Variants in EIF3H observed in about 807,000 individuals in gnomAD.
EIF3H encodes eukaryotic translation initiation factor 3 subunit H.
Under a neutral mutation model 44.2 loss-of-function variants are expected in EIF3H, and 26 were observed. That is an observed-to-expected ratio of 0.59 (90% CI 0.43 to 0.82). EIF3H has a LOEUF of 0.82. Ranked by LOEUF, EIF3H falls within the 40% of genes least tolerant of loss-of-function variation. The pLI is 0.00. For synonymous variants in EIF3H, 166 were observed against 151.9 expected (o/e 1.09, Z -0.68); for missense variants, 359 against 432.8 (o/e 0.83, Z 1.51).
At chr8:116,649,023 T>C (rs1047396755) in intron 5 of EIF3H, 97 bp from the exon 6 acceptor site, 1 of 1,122,440 alleles carries the variant, frequency 8.9e-7, no homozygotes, top group Non-Finnish European at 1.2e-6. Context: ...AACTGGCTTT[T>C]GCTAAAAGAA....
rs577966555 is a variant in EIF3H at position 116,716,864 on chromosome 8, T to C, written c.289+9152A>G. Among the ~76,000 whole-genome samples, 12 of 152,220 alleles carry C rather than the reference T, an allele frequency of 7.9e-5. No homozygotes were observed. The South Asian group carries it at 2.5e-3, about 32-fold the overall frequency. Reference sequence around the variant, plus strand: ...TTTGGACAACAGATTAAAAATCTCCTCTTTACATGAGGCACCAAAACAAAC... The same window carrying C: ...TTTGGACAACAGATTAAAAATCTCCCCTTTACATGAGGCACCAAAACAAAC... On this transcript the variant is annotated intron_variant, in intron 2 of 7. Transcript: ENST00000521861.
intron 2 of EIF3H, among the ~76,000 whole-genome samples, chr8:116,678,283 G>A (rs1301742401): frequency 9.3e-5 from 14 of 150,622 alleles, no homozygotes; most frequent in African/African-American, 2.7e-4. Flanking sequence ...ACGGAGTCTC[G>A]TTCACTCAGT....
chr8:116,678,265 G>C (rs1465061134), intron 2 of EIF3H, among the ~76,000 whole-genome samples: 3 of 152,154 alleles, frequency 2.0e-5, no homozygotes, highest in Non-Finnish European at 4.4e-5. Flanking sequence ...GAGGTGCCGG[G>C]ATTGCAGACG....
At chr8:116,760,783 TG>T (rs1201591169), upstream of EIF3H, among the ~76,000 whole-genome samples, 4 of 152,214 alleles carry the variant, frequency 2.6e-5, no homozygotes, top group African/African-American at 9.7e-5. Flanking sequence ...GTTTCTGCCC[TG>T]AGTCCTCCTG....
intron 1 of EIF3H, among the ~76,000 whole-genome samples, chr8:116,752,688 G>GAAAGA (rs1815363394): frequency 8.4e-6 from 1 of 118,532 alleles, no homozygotes; most frequent in Non-Finnish European, 1.8e-5. Context: ...AAGAAAGAAA[G>GAAAGA]AAAGAAAGAA....
At chr8:116,743,798 AAACACACACACACAC>A (rs1815179559) in intron 1 of EIF3H, among the ~76,000 whole-genome samples, 800 of 79,672 alleles carry the variant, frequency 0.01, 14 homozygotes, top group African/African-American at 0.034. Context: ...ATATATATAT[AAACACACACACACAC>A]ACACACACAC....
chr8:116,698,896 C>T (rs1036651460), intron 2 of EIF3H, among the ~76,000 whole-genome samples: 2 of 152,032 alleles, frequency 1.3e-5, no homozygotes, highest in Non-Finnish European at 2.9e-5. Flanking sequence ...ATCTGTAGTC[C>T]CAGCACTTTG....
intron 1 of EIF3H, among the ~76,000 whole-genome samples, chr8:116,752,696 GAAAGA>G (rs1234798508): frequency 3.2e-5 from 4 of 124,676 alleles, no homozygotes; most frequent in African/African-American, 1.2e-4. Context: ...AAGAAAGAAA[GAAAGA>G]AAGAAAGAAA....
In EIF3H at chr8:116,677,793, T is replaced by C. The variant is rs7016945; in HGVS notation, c.290-18813A>G. Among the ~76,000 whole-genome samples, 1,143 of 152,366 alleles carry C rather than the reference T, an allele frequency of 7.5e-3. 20 individuals carry two copies. The highest frequency in any genetic ancestry group is 0.026 in the African/African-American group (1,096 of 41,578). ...CTTTCAATATACCATAAAATGTTTA[T>C]GTCCTGTGATTCTTTGATTCTGTTG... On this transcript the variant is annotated intron_variant, in intron 2 of 7. Coordinates refer to ENST00000521861, the MANE Select transcript of EIF3H (RefSeq NM_003756.3).
intron 1 of EIF3H, among the ~76,000 whole-genome samples, chr8:116,727,589 T>C (rs1347687710): frequency 2.0e-5 from 3 of 152,218 alleles, no homozygotes; most frequent in Non-Finnish European, 4.4e-5. Context: ...TACTGAATTA[T>C]GGGAGGGTTT....
At chr8:116,750,512 C>T (rs1485345019) in intron 1 of EIF3H, among the ~76,000 whole-genome samples, 3 of 151,718 alleles carry the variant, frequency 2.0e-5, no homozygotes, top group Non-Finnish European at 2.9e-5. Context: ...CCGGTTCATG[C>T]CATTCCCCTG....
In EIF3H at chr8:116,726,096, A is replaced by C. The variant is rs764577046; in HGVS notation, c.209T>G (p.Leu70Arg). 1.2e-6 allele frequency: 2 copies of C among 1,614,110 alleles called. No homozygotes were observed. Among genetic ancestry groups the C allele is most frequent in the Non-Finnish European group, 1.7e-6 (2 of 1,179,980 alleles). Reference sequence around the variant, plus strand: ...AATTTCAAGCCGATCTTCTACAACCAGACCCAAAAGCACTCCTTGAACAAC... The same window carrying C: ...AATTTCAAGCCGATCTTCTACAACCCGACCCAAAAGCACTCCTTGAACAAC... Reference protein sequence around the residue: ...TEVVQGVLLGLVVEDRLEITN... With the variant: ...TEVVQGVLLGRVVEDRLEITN... The change falls in exon 2 of 8, where the codon CTG (leucine) becomes CGG (arginine). Residue 70 changes from leucine to arginine, a missense_variant. Transcript: ENST00000521861.
chr8:116,667,465 A>AC (rs1206308270), intron 2 of EIF3H, among the ~76,000 whole-genome samples: 30 of 3,704 alleles, frequency 8.1e-3, no homozygotes, highest in Non-Finnish European at 0.022. Context: ...ACAACTTCAC[A>AC]AAAAAAAAAA....
chr8:116,765,452 G>A (rs1294490874), intron 1 of EIF3H: 1 of 152,112 alleles, frequency 6.6e-6, no homozygotes, highest in South Asian at 2.1e-4. Flanking sequence ...CTAGATCTGG[G>A]ACAGATTCCA....
intron 2 of EIF3H, chr8:116,697,074 C>T (rs1371259120): frequency 6.6e-6 from 3 of 456,124 alleles, no homozygotes; most frequent in African/African-American, 4.0e-5. Context: ...GGATCTCTCT[C>T]CTGAGAGGCC....
intron 2 of EIF3H, among the ~76,000 whole-genome samples, 177 bp downstream of exon 2, chr8:116,725,839 A>C (rs193079568): frequency 1.9e-4 from 29 of 152,372 alleles, no homozygotes; most frequent in Admixed American, 9.8e-4. Context: ...AATGATGTCT[A>C]TAGTATAAAC....
At chr8:116,658,540 GC>G (rs1360505774) in intron 3 of EIF3H, 3 of 329,874 alleles carry the variant, frequency 9.1e-6, no homozygotes, top group Non-Finnish European at 1.7e-5. Context: ...AGTTCCACCA[GC>G]CCCTTCAATG....
chr8:116,750,970 T>C (rs551509860), intron 1 of EIF3H, among the ~76,000 whole-genome samples: 3 of 151,528 alleles, frequency 2.0e-5, no homozygotes, highest in Non-Finnish European at 4.4e-5. Context: ...CCCAGCACTT[T>C]GGGAGGCCGA....
intron 1 of EIF3H, among the ~76,000 whole-genome samples, chr8:116,745,192 G>A (rs1401025900): frequency 1.3e-5 from 2 of 152,236 alleles, no homozygotes; most frequent in African/African-American, 2.4e-5. Context: ...AACAACTAAA[G>A]TTAAAATATT....
Sources: allele counts gnomAD v4.1 joint callset (sites outside exome capture counted in the v4.1 genomes callset), GRCh38; gene constraint gnomAD v4.1.1; transcripts MANE v1.5; gene names NCBI Gene and HGNC (gene_info 2026-07-23, HGNC 2026-07-21).